The following RTL4 variants were observed in gnomAD, a reference collection of about 807,000 sequenced individuals.
RTL4 encodes the protein retrotransposon Gag like 4.
In RTL4, 4 loss-of-function variants were observed where a neutral mutation model predicts 5.3. The observed-to-expected ratio is 0.75, with a 90% confidence interval of 0.37 to 1.72. The LOEUF is 1.72. Ranked by LOEUF, RTL4 falls within the 40% of genes most tolerant of loss-of-function variation. The probability of loss-of-function intolerance (pLI) is 0.04; values close to 1 mark genes in which losing one functional copy is unlikely to be tolerated. For missense variants in RTL4, 260 were observed against 227.1 expected (o/e 1.14, Z -0.93); for synonymous variants, 98 against 87.3 (o/e 1.12, Z -0.68).
chrX:112,429,158 A>G, the RTL4 span, among the ~76,000 whole-genome samples: 1 of 111,466 alleles, frequency 9.0e-6, no homozygotes, highest in East Asian at 2.8e-4. Context: ...GATCATTGAC[A>G]TGGTTGGATT....
At chrX:112,257,943 T>C in the RTL4 span, among the ~76,000 whole-genome samples, 6 of 105,694 alleles carry the variant, frequency 5.7e-5, no homozygotes, top group South Asian at 2.5e-3. Context: ...ATTGAAGAAC[T>C]GAATACTTTT....
the RTL4 span, among the ~76,000 whole-genome samples, chrX:112,404,279 ATT>A: frequency 8.9e-6 from 1 of 112,103 alleles, no homozygotes; most frequent in Non-Finnish European, 1.9e-5. Context: ...TGAAACTGAT[ATT>A]TTATACCTGC....
the RTL4 span, among the ~76,000 whole-genome samples, chrX:112,104,604 G>A: frequency 9.8e-5 from 11 of 111,710 alleles, no homozygotes; most frequent in Admixed American, 6.7e-4. Context: ...CATGTGTGAG[G>A]TAACACTTCA....
At chrX:112,293,462 A>T in the RTL4 span, among the ~76,000 whole-genome samples, 3 of 112,193 alleles carry the variant, frequency 2.7e-5, no homozygotes, top group Admixed American at 9.5e-5. Flanking sequence ...GAGTGATATA[A>T]TTATCTGCCA....
chrX:112,317,068 C>G, the RTL4 span, among the ~76,000 whole-genome samples: 2 of 111,763 alleles, frequency 1.8e-5, no homozygotes, highest in Admixed American at 1.9e-4. Flanking sequence ...CAAATAATGT[C>G]TAAACCTTCT....
At chrX:112,190,194 T>C in the RTL4 span, among the ~76,000 whole-genome samples, 2 of 106,926 alleles carry the variant, frequency 1.9e-5, no homozygotes, top group Non-Finnish European at 3.8e-5. Flanking sequence ...CTTTCTTTCT[T>C]TCTTTCTTTC....
chrX:112,420,454 G>A, the RTL4 span, among the ~76,000 whole-genome samples: 28 of 111,453 alleles, frequency 2.5e-4, no homozygotes, highest in Admixed American at 4.8e-4. Flanking sequence ...CACAAGAGGC[G>A]GATCAGCGAG....
At chrX:112,456,845 T>G (rs887729054) in exon 1 of RTL4, 3 of 124,231 alleles carry the variant, frequency 2.4e-5, no homozygotes, top group African/African-American at 9.7e-5. Context: ...AAACCATTTG[T>G]GCACAAAACT....
chrX:112,281,245 T>C, the RTL4 span, among the ~76,000 whole-genome samples: 3 of 111,909 alleles, frequency 2.7e-5, no homozygotes, highest in Non-Finnish European at 5.6e-5. Flanking sequence ...GTGGCATTTG[T>C]CTTTCTGTGC....
the RTL4 span, among the ~76,000 whole-genome samples, chrX:112,087,328 G>GA: frequency 9.8e-6 from 1 of 101,640 alleles, no homozygotes; most frequent in African/African-American, 3.8e-5. Flanking sequence ...TTGGTCTTCA[G>GA]CTTTTTTTTT....
chrX:112,262,072 C>T, the RTL4 span, among the ~76,000 whole-genome samples: 1 of 111,762 alleles, frequency 8.9e-6, no homozygotes, highest in African/African-American at 3.3e-5. Flanking sequence ...AAATGTTAGA[C>T]CTAAAACCAT....
the RTL4 span, among the ~76,000 whole-genome samples, chrX:112,101,040 A>C: frequency 6.2e-5 from 7 of 112,113 alleles, no homozygotes; most frequent in African/African-American, 2.3e-4. Flanking sequence ...CTCTATACAT[A>C]TATCTATAAC....
At chrX:112,431,154 C>T in the RTL4 span, among the ~76,000 whole-genome samples, 1 of 110,407 alleles carries the variant, frequency 9.1e-6, no homozygotes, top group Non-Finnish European at 1.9e-5. Context: ...TTGTATATTT[C>T]CCTTCTCCTA....
At chrX:112,132,076 T>C in the RTL4 span, among the ~76,000 whole-genome samples, 11 of 111,737 alleles carry the variant, frequency 9.8e-5, no homozygotes, top group Non-Finnish European at 2.1e-4. Flanking sequence ...CTAGAGCCCA[T>C]AATTTTCCCA....
the RTL4 span, among the ~76,000 whole-genome samples, chrX:112,232,142 GC>G: frequency 2.8e-3 from 312 of 111,606 alleles, no homozygotes; most frequent in African/African-American, 9.3e-3. Flanking sequence ...AGGAGGGAAA[GC>G]CTAGAAATGT....
chrX:112,187,835 CAA>C, the RTL4 span, among the ~76,000 whole-genome samples: 1 of 111,690 alleles, frequency 9.0e-6, no homozygotes, highest in African/African-American at 3.3e-5. Flanking sequence ...AACTGCCAAA[CAA>C]AAGAGTTTGG....
the RTL4 span, among the ~76,000 whole-genome samples, chrX:112,365,081 G>T: frequency 1.8e-5 from 2 of 110,928 alleles, no homozygotes; most frequent in Non-Finnish European, 3.8e-5. Context: ...GCCTAATCCA[G>T]TCTTTAATAG....
the RTL4 span, among the ~76,000 whole-genome samples, chrX:112,236,205 A>C: frequency 9.2e-6 from 1 of 108,650 alleles, no homozygotes; most frequent in Non-Finnish European, 1.9e-5. Context: ...TCATAACAGC[A>C]TTCTCTCAAA....
chrX:112,186,104 CCTT>C, the RTL4 span, among the ~76,000 whole-genome samples: 3 of 111,539 alleles, frequency 2.7e-5, no homozygotes, highest in African/African-American at 6.5e-5. Flanking sequence ...CTTCAGCACT[CCTT>C]CTTCATGCTA....
Sources: gnomAD v4.1 joint callset for allele counts (sites outside exome capture counted in the v4.1 genomes callset) on GRCh38, gnomAD v4.1.1 for gene constraint, MANE v1.5 for transcripts, NCBI Gene and HGNC (gene_info 2026-07-23, HGNC 2026-07-21) for gene names.